AGAP1: variants seen among roughly 807,000 people sequenced by gnomAD.
The protein encoded by AGAP1 is arf-GAP with GTPase, ANK repeat and PH domain-containing protein 1.
In AGAP1, 29 loss-of-function variants were observed where a neutral mutation model predicts 105.3. That is an observed-to-expected ratio of 0.28 (90% CI 0.21 to 0.38). The LOEUF is 0.38. AGAP1 is among the 10% of genes least tolerant of loss of function. The pLI, the probability that AGAP1 is intolerant of heterozygous loss-of-function variation, is 1.00. For missense variants in AGAP1, 998 were observed against 1,165.1 expected (o/e 0.86, Z 2.09); for synonymous variants, 509 against 485.9 (o/e 1.05, Z -0.63).
At chr2:235,929,405 G>A (rs2052610292) in intron 11 of AGAP1, among the ~76,000 whole-genome samples, 1 of 152,022 alleles carries the variant, frequency 6.6e-6, no homozygotes, top group Non-Finnish European at 1.5e-5. Context: ...CATCACTGTG[G>A]GCTTTTTTCT....
chr2:236,102,027 A>G (rs889296945), intron 16 of AGAP1, among the ~76,000 whole-genome samples: 3 of 152,186 alleles, frequency 2.0e-5, no homozygotes, highest in Non-Finnish European at 4.4e-5. Flanking sequence ...CATGCCTATA[A>G]TCCCAGCAAT....
rs1952566770 is a variant in AGAP1 at position 235,741,280 on chromosome 2, T to C, written c.396+232T>C. ...TTGGGTTTATGTGATGGCTTTTCAC[T>C]TTCTGTGTTTTTAAAAAGGCAGGAA... is the stretch of plus-strand genomic sequence containing the variant. On this transcript the variant is annotated intron_variant, in intron 4 of 17. Transcript: ENST00000304032. The surrounding 1 kb of genome is among the most constrained non-coding windows in gnomAD (Gnocchi z 4.9). 6.6e-6 allele frequency among the ~76,000 whole-genome samples: 1 copy of C among 152,234 alleles called. No individual in the cohort carries two copies. Among genetic ancestry groups the C allele is most frequent in the African/African-American group, 2.4e-5 (1 of 41,460 alleles).
At chr2:235,985,544 T>C (rs2055277310) in intron 13 of AGAP1, among the ~76,000 whole-genome samples, 1 of 152,240 alleles carries the variant, frequency 6.6e-6, no homozygotes, top group Admixed American at 6.5e-5. Context: ...TCCTGAATGG[T>C]ATTGGCTAGG....
chr2:235,738,481 G>A (rs1952380927), intron 3 of AGAP1, among the ~76,000 whole-genome samples: 1 of 152,132 alleles, frequency 6.6e-6, no homozygotes, highest in Admixed American at 6.5e-5. Flanking sequence ...ACACAGAACA[G>A]GGTATGAAGG....
At chr2:235,944,382 G>C (rs376016177) in intron 12 of AGAP1, among the ~76,000 whole-genome samples, 1 of 152,232 alleles carries the variant, frequency 6.6e-6, no homozygotes, top group South Asian at 2.1e-4. Context: ...CTCTATTTTT[G>C]TAATGTTTGT....
At position 235,988,502 on chromosome 2, in the gene AGAP1, G is replaced by A. The variant is rs190641179; in HGVS notation, c.1645+19879G>A. Among the ~76,000 whole-genome samples, 77 of 152,198 alleles carry A rather than the reference G, an allele frequency of 5.1e-4. No homozygotes were observed. The highest frequency in any genetic ancestry group is 7.6e-4 in the Non-Finnish European group (52 of 68,018). On this transcript the variant is annotated intron_variant, in intron 13 of 17. Transcript: ENST00000304032. This position sits in a 1 kb window ranked among gnomAD's most constrained non-coding sequence, Gnocchi z 4.7. ...CAGGAAGTGATTTCTGAACTTTAGCGTAAGTGTTCTCTGGCAGGTATGGCT... is the reference window on the plus strand; with the variant it reads ...CAGGAAGTGATTTCTGAACTTTAGCATAAGTGTTCTCTGGCAGGTATGGCT...
Position 235,883,407 on chromosome 2 carries a change from C to T in AGAP1, c.1113C>T (p.Thr371=), listed in dbSNP as rs1474372731. 1.2e-6 allele frequency: 2 copies of T among 1,614,010 alleles called. No homozygotes were observed. The highest frequency in any genetic ancestry group is 1.7e-6 in the Non-Finnish European group (2 of 1,179,994). Residue 371 remains threonine (T), a synonymous_variant, in exon 10 of 18, where the codon ACC becomes ACT. Coordinates refer to ENST00000304032, the MANE Select transcript of AGAP1 (RefSeq NM_001037131.3). The surrounding 1 kb of genome is among the most constrained non-coding windows in gnomAD (Gnocchi z 4.5). ...AAGAGTGGAAAAAGAAATATGTCACCCTGTGTGACAATGGCGTGCTGACCT... is the reference window on the plus strand; with the variant it reads ...AAGAGTGGAAAAAGAAATATGTCACTCTGTGTGACAATGGCGTGCTGACCT... The part of the protein sequence containing the change: ...LNKEWKKKYV[T]LCDNGVLTYH...
intron 1 of AGAP1, among the ~76,000 whole-genome samples, chr2:235,619,531 T>C (rs894969100): frequency 8.2e-5 from 12 of 146,876 alleles, no homozygotes; most frequent in Admixed American, 1.4e-4. Context: ...GAGCTGGGAT[T>C]CAAACCTGGG....
intron 6 of AGAP1, among the ~76,000 whole-genome samples, chr2:235,758,690 C>A (rs13415323): frequency 0.065 from 9,899 of 152,218 alleles, 1,066 homozygotes; most frequent in African/African-American, 0.22. Context: ...AAAGTGACCT[C>A]TGTAAGGCTC....
At chr2:235,532,738 A>G (rs996351167) in intron 1 of AGAP1, among the ~76,000 whole-genome samples, 1 of 152,238 alleles carries the variant, frequency 6.6e-6, no homozygotes, top group Non-Finnish European at 1.5e-5. Context: ...AAGAGAAGTG[A>G]AAAGAAAACC....
chr2:235,716,096 A>G lies in AGAP1; in HGVS notation c.223-1461A>G, dbSNP rs569813097. 2.6e-5 allele frequency among the ~76,000 whole-genome samples: 4 copies of G among 152,346 alleles called. No homozygotes were observed. Among genetic ancestry groups the G allele is most frequent in the South Asian group, 2.1e-4 (1 of 4,822 alleles). ...TCCCCCCACATCCAACCTTCTATCA[A>G]TGAGTTATGATTCCAGAGTCTGCAG... is the stretch of plus-strand genomic sequence containing the variant. On this transcript the variant is annotated intron_variant, in intron 2 of 17. Coordinates refer to ENST00000304032, the MANE Select transcript of AGAP1 (RefSeq NM_001037131.3). The surrounding 1 kb of genome is among the most constrained non-coding windows in gnomAD (Gnocchi z 4.0).
At chr2:235,833,855 G>GTGT in intron 9 of AGAP1, among the ~76,000 whole-genome samples, 1 of 124,926 alleles carries the variant, frequency 8.0e-6, no homozygotes. Flanking sequence ...CTCCAATCTG[G>GTGT]TTTTTTTTTT....
chr2:236,081,508 T>G (rs566850200), intron 16 of AGAP1, among the ~76,000 whole-genome samples: 1 of 152,290 alleles, frequency 6.6e-6, no homozygotes, highest in Non-Finnish European at 1.5e-5. Flanking sequence ...TTCTGACCAC[T>G]TGCAGACAGA....
Position 235,797,765 on chromosome 2 carries a change from A to G in AGAP1, c.680A>G (p.Gln227Arg). The stretch of plus-strand genomic sequence containing the variant: ...TTGTCTGTGTGTCCACCAGTTGCCC[A>G]GAAGATTGTTGCCACAAGGAAGAAG... ...NVERVFQDVA[Q>R]KIVATRKKQQ... Residue 227 changes from glutamine (Q) to arginine (R), a missense_variant, in exon 7 of 18, where the codon CAG becomes CGG. Transcript: ENST00000304032. The G allele has an allele frequency of 1.9e-6, 3 of 1,614,192 alleles. No individual in the cohort carries two copies. Among genetic ancestry groups the G allele is most frequent in the Non-Finnish European group, 2.5e-6 (3 of 1,180,038 alleles).
chr2:235,609,487 G>A lies in AGAP1; in HGVS notation c.164-99692G>A, dbSNP rs1180163986. Among the ~76,000 whole-genome samples, 4 of 152,092 alleles carry A rather than the reference G, an allele frequency of 2.6e-5. No homozygotes were observed. Among genetic ancestry groups the A allele is most frequent in the South Asian group, 2.1e-4 (1 of 4,822 alleles). On this transcript the variant is annotated intron_variant, in intron 1 of 17. Coordinates refer to ENST00000304032, the MANE Select transcript of AGAP1 (RefSeq NM_001037131.3). The surrounding 1 kb of genome is among the most constrained non-coding windows in gnomAD (Gnocchi z 5.1). ...GGGGGCTGGGCTGTGGAAGAAGTGC[G>A]AGAGGGAGTGGGGAAGGCAGGCTGG...
At chr2:235,598,359 G>T (rs1000195509) in intron 1 of AGAP1, among the ~76,000 whole-genome samples, 1 of 152,168 alleles carries the variant, frequency 6.6e-6, no homozygotes, top group Non-Finnish European at 1.5e-5. Context: ...GTAAGCTCAC[G>T]TTTATTGCAG....
rs765171126 is a variant in AGAP1, at chr2:236,120,298, G to A, written c.2221G>A (p.Ala741Thr). Residue 741 changes from alanine to threonine, a missense_variant, in exon 17 of 18, where the codon GCC (alanine) becomes ACC (threonine). Physicochemically the swap from Ala to Thr is moderately conservative, Grantham distance 58. Coordinates refer to ENST00000304032, the MANE Select transcript of AGAP1 (RefSeq NM_001037131.3). This position sits in a 1 kb window ranked among gnomAD's most constrained non-coding sequence, Gnocchi z 6.0. Reference protein sequence around the residue: ...SLGQHLLRATADEDLRTAILL... With the variant: ...SLGQHLLRATTDEDLRTAILL... ...GGGCCAGCACCTGCTGCGGGCCACC[G>A]CCGACGAGGACCTGCGGACGGCCAT... 3.2e-5 allele frequency: 51 copies of A among 1,612,788 alleles called. No homozygotes were observed. Among genetic ancestry groups the A allele is most frequent in the Non-Finnish European group, 4.2e-5 (49 of 1,179,702 alleles).
rs1010225867 is a variant in AGAP1, at chr2:235,904,808, G to A, written c.1156-3930G>A. On this transcript the variant is annotated intron_variant, in intron 10 of 17. Coordinates refer to ENST00000304032, the MANE Select transcript of AGAP1 (RefSeq NM_001037131.3). This position sits in a 1 kb window ranked among gnomAD's most constrained non-coding sequence, Gnocchi z 4.2. Reference sequence around the variant, plus strand: ...AGAAAGCTCAGTGTCGTTTCTCTTGGGAGGAACTTGAAGCCACAGATACAT... The same window carrying A: ...AGAAAGCTCAGTGTCGTTTCTCTTGAGAGGAACTTGAAGCCACAGATACAT... Among the ~76,000 whole-genome samples, 13 of 152,268 alleles carry A rather than the reference G, an allele frequency of 8.5e-5. No individual in the cohort carries two copies. The highest frequency in any genetic ancestry group is 7.3e-5 in the Non-Finnish European group (5 of 68,030).
At chr2:235,722,288 C>T (rs543490932) in intron 3 of AGAP1, among the ~76,000 whole-genome samples, 4 of 152,280 alleles carry the variant, frequency 2.6e-5, no homozygotes, top group African/African-American at 9.6e-5. Flanking sequence ...AAGGTGTTGA[C>T]GGGGTTGGTC....
Sources: gnomAD v4.1 joint callset for allele counts (sites outside exome capture counted in the v4.1 genomes callset) on GRCh38, gnomAD v4.1.1 for gene constraint, Gnocchi (gnomAD v3.1) non-coding constraint, MANE v1.5 for transcripts, NCBI Gene and HGNC (gene_info 2026-07-23, HGNC 2026-07-21) for gene names.